Variants in ZFAND3 observed in about 807,000 individuals in gnomAD.
ZFAND3 encodes zinc finger AN1-type containing 3.
ZFAND3 carries 10 observed loss-of-function variants against 29.6 expected under a neutral mutation model. The observed-to-expected ratio is 0.34, with a 90% CI of 0.21 to 0.57. The LOEUF (loss-of-function observed/expected upper bound fraction) is 0.57, where lower values mean the gene tolerates loss of function less well. ZFAND3 is among the 20% of genes least tolerant of loss of function. The probability of loss-of-function intolerance (pLI) is 0.86; values close to 1 mark genes in which losing one functional copy is unlikely to be tolerated. For missense variants in ZFAND3, 230 were observed against 304.5 expected, an observed-to-expected ratio of 0.76 and a Z score of 1.82; for synonymous variants, 128 against 112.6, an observed-to-expected ratio of 1.14 and a Z score of -0.87.
At chr6:38,108,444 A>C (rs986897418) in intron 4 of ZFAND3, among the ~76,000 whole-genome samples, 1 of 152,204 alleles carries the variant, frequency 6.6e-6, no homozygotes, top group Non-Finnish European at 1.5e-5. Context: ...AAAGCCCCCA[A>C]ACAAAGGAAG....
intron 2 of ZFAND3, among the ~76,000 whole-genome samples, chr6:37,956,800 T>G (rs1237152869): frequency 6.6e-6 from 1 of 152,208 alleles, no homozygotes. Flanking sequence ...TTACATCTGC[T>G]TTAGTATGGA....
chr6:38,059,074 A>G lies in ZFAND3; in HGVS notation c.113-2519A>G, dbSNP rs554693890. ...TAATAAACTATAATCTGTACTTCAT[A>G]GAGTAGCGTTAGATTTTTAAAATAT... On this transcript the variant is annotated intron_variant, in intron 2 of 5. Transcript: ENST00000287218. Among the ~76,000 whole-genome samples the G allele has an allele frequency of 5.3e-5, 8 of 152,312 alleles. No homozygotes were observed. In the South Asian group the frequency reaches 1.4e-3, roughly 28 times the overall value.
intron 4 of ZFAND3, among the ~76,000 whole-genome samples, chr6:38,093,578 T>C (rs1018974649): frequency 2.0e-5 from 3 of 152,040 alleles, no homozygotes; most frequent in Non-Finnish European, 4.4e-5. Flanking sequence ...TTAAGGAAGC[T>C]AAAGAAAGGA....
intron 2 of ZFAND3, among the ~76,000 whole-genome samples, chr6:38,051,527 T>A (rs1581874241): frequency 6.6e-6 from 1 of 152,332 alleles, no homozygotes; most frequent in East Asian, 1.9e-4. Flanking sequence ...TAAGGACTAA[T>A]GGCTTGAGGG....
chr6:38,144,193 A>ATATAT, intron 5 of ZFAND3, among the ~76,000 whole-genome samples: 1 of 40,416 alleles, frequency 2.5e-5, no homozygotes, highest in African/African-American at 1.5e-4. Context: ...TAATATATAT[A>ATATAT]TATATATATA....
At chr6:37,885,404 G>A (rs1035463070) in intron 1 of ZFAND3, among the ~76,000 whole-genome samples, 1 of 152,168 alleles carries the variant, frequency 6.6e-6, no homozygotes, top group Non-Finnish European at 1.5e-5. Flanking sequence ...AGCACTCTGG[G>A]GGGCTGTGGA....
At chr6:38,087,219 C>T (rs1268861751) in intron 4 of ZFAND3, among the ~76,000 whole-genome samples, 1 of 152,142 alleles carries the variant, frequency 6.6e-6, no homozygotes, top group Non-Finnish European at 1.5e-5. Flanking sequence ...AATCTGAAAC[C>T]TCAAACTATG....
chr6:37,902,737 C>CTTTTTTTTTTTTTTTT (rs11448512), intron 1 of ZFAND3, among the ~76,000 whole-genome samples: 2 of 100,448 alleles, frequency 2.0e-5, no homozygotes, highest in Non-Finnish European at 1.8e-5. Flanking sequence ...CTTTTACTTA[C>CTTTTTTTTTTTTTTTT]TTTTTTTTTT....
chr6:37,974,400 C>T (rs62396969), intron 2 of ZFAND3, among the ~76,000 whole-genome samples: 173 of 99,782 alleles, frequency 1.7e-3, no homozygotes, highest in African/African-American at 6.5e-3. Context: ...CTCTCTCTCT[C>T]TCTTTTTTTT....
intron 1 of ZFAND3, among the ~76,000 whole-genome samples, chr6:37,893,814 A>C (rs1176202097): frequency 4.6e-5 from 7 of 151,940 alleles, no homozygotes; most frequent in Admixed American, 4.6e-4. Context: ...TTGGCTTCCC[A>C]AAGTGCTGGG....
At chr6:37,910,375 A>G (rs941492067) in intron 1 of ZFAND3, among the ~76,000 whole-genome samples, 5 of 151,030 alleles carry the variant, frequency 3.3e-5, no homozygotes, top group Non-Finnish European at 5.9e-5. Flanking sequence ...AGTAATGTCC[A>G]GTTTTGGTTT....
chr6:37,861,855 T>A (rs1450402524), intron 1 of ZFAND3, among the ~76,000 whole-genome samples: 1 of 152,252 alleles, frequency 6.6e-6, no homozygotes, highest in Non-Finnish European at 1.5e-5. Flanking sequence ...TCACTGTTTT[T>A]AGAGCCTTGT....
intron 2 of ZFAND3, among the ~76,000 whole-genome samples, chr6:38,005,259 G>A (rs55786703): frequency 0.087 from 13,177 of 152,174 alleles, 762 homozygotes; most frequent in East Asian, 0.29. Context: ...CTCTCACTCT[G>A]CAGATCTGTC....
intron 2 of ZFAND3, among the ~76,000 whole-genome samples, chr6:38,042,579 G>T (rs1763813056): frequency 6.6e-6 from 1 of 152,142 alleles, no homozygotes; most frequent in African/African-American, 2.4e-5. Flanking sequence ...CTCCCAAAGT[G>T]CTGGGATCGC....
intron 1 of ZFAND3, among the ~76,000 whole-genome samples, chr6:37,855,249 A>G (rs190159749): frequency 1.0e-3 from 157 of 151,212 alleles, no homozygotes; most frequent in East Asian, 7.6e-3. Context: ...GGTTCAGGCA[A>G]TTCTCCTGCC....
intron 1 of ZFAND3, among the ~76,000 whole-genome samples, chr6:37,842,216 G>A (rs190284096): frequency 1.3e-5 from 2 of 152,192 alleles, no homozygotes; most frequent in Non-Finnish European, 2.9e-5. Flanking sequence ...TGAGACTGTG[G>A]TACTCTGTAA....
chr6:37,934,833 T>A (rs1761667343), intron 2 of ZFAND3, among the ~76,000 whole-genome samples: 1 of 71,914 alleles, frequency 1.4e-5, no homozygotes, highest in East Asian at 3.9e-4. Flanking sequence ...AGTGAGACTC[T>A]GTCTCAAAAA....
At chr6:38,060,160 A>C (rs1294282999) in intron 2 of ZFAND3, among the ~76,000 whole-genome samples, 1 of 152,168 alleles carries the variant, frequency 6.6e-6, no homozygotes, top group Non-Finnish European at 1.5e-5. Context: ...ACGCTGGTTC[A>C]GTAGGGCTGA....
At chr6:37,883,908 A>G (rs1472621636) in intron 1 of ZFAND3, among the ~76,000 whole-genome samples, 1 of 145,248 alleles carries the variant, frequency 6.9e-6, no homozygotes, top group African/African-American at 2.8e-5. Context: ...ATGTATGTTC[A>G]GGAGATTCGC....
Sources: gnomAD v4.1 joint callset for allele counts (sites outside exome capture counted in the v4.1 genomes callset) on GRCh38, gnomAD v4.1.1 for gene constraint, MANE v1.5 for transcripts, NCBI Gene and HGNC (gene_info 2026-07-23, HGNC 2026-07-21) for gene names.